SEPTIN7: variants seen among roughly 807,000 people sequenced by gnomAD.
The protein encoded by SEPTIN7 is septin 7.
Under a neutral mutation model 63.3 loss-of-function variants are expected in SEPTIN7, and 10 were observed. The observed-to-expected ratio is 0.16, with a 90% confidence interval of 0.10 to 0.27. The LOEUF is 0.27. SEPTIN7 is among the 10% of genes least tolerant of loss of function. The pLI is 1.00. For missense variants in SEPTIN7, 310 were observed against 521.0 expected, an observed-to-expected ratio of 0.59 and a Z score of 3.94; for synonymous variants, 131 against 165.3, an observed-to-expected ratio of 0.79 and a Z score of 1.59.
At chr7:35,898,475 A>G in intron 12 of SEPTIN7, 92 bp downstream of exon 12, 2 of 832,372 alleles carry the variant, frequency 2.4e-6, no homozygotes, top group Non-Finnish European at 3.7e-6. Context: ...TAACCTTTTT[A>G]TACATATTTT....
intron 4 of SEPTIN7, among the ~76,000 whole-genome samples, chr7:35,864,900 C>T (rs1785720260): frequency 6.6e-6 from 1 of 152,030 alleles, no homozygotes; most frequent in Non-Finnish European, 1.5e-5. Flanking sequence ...GAGGGACAGT[C>T]TGTATATTCT....
At chr7:35,861,468 A>G (rs753444516) in intron 3 of SEPTIN7, among the ~76,000 whole-genome samples, 1 of 152,176 alleles carries the variant, frequency 6.6e-6, no homozygotes, top group Non-Finnish European at 1.5e-5. Context: ...GCATGCCCTT[A>G]ACGTAGTGAT....
intron 1 of SEPTIN7, among the ~76,000 whole-genome samples, chr7:35,829,330 C>T (rs568840867): frequency 5.3e-5 from 8 of 151,590 alleles, no homozygotes; most frequent in Admixed American, 1.3e-4. Context: ...TTAGTAGAGA[C>T]GGGGTTTCAC....
intron 3 of SEPTIN7, among the ~76,000 whole-genome samples, chr7:35,840,919 G>GA (rs1363147234): frequency 6.6e-6 from 1 of 152,110 alleles, no homozygotes; most frequent in Non-Finnish European, 1.5e-5. Flanking sequence ...TAATTCTTGA[G>GA]AAAAAATGGT....
chr7:35,811,692 G>C (rs1157763582), intron 1 of SEPTIN7, among the ~76,000 whole-genome samples: 6 of 152,148 alleles, frequency 3.9e-5, no homozygotes, highest in Admixed American at 3.9e-4. Context: ...TTCGAGACCA[G>C]TCTGGCCAAC....
Position 35,895,036 on chromosome 7 carries a change from GT to G in SEPTIN7, c.999-3208del, listed in dbSNP as rs1186994054. ...ATGTTGTAATCATTTTCTTTTTCTTGTTTTACTAGGCTTTCTTCATTTCTTT... is the reference window on the plus strand; with the variant it reads ...ATGTTGTAATCATTTTCTTTTTCTTGTTTACTAGGCTTTCTTCATTTCTTT... On this transcript the variant is annotated intron_variant, in intron 11 of 13. Transcript: ENST00000350320. 2.0e-5 allele frequency among the ~76,000 whole-genome samples: 3 copies of G among 152,042 alleles called. No homozygotes were observed. The East Asian group carries it at 5.8e-4, about 29-fold the overall frequency.
intron 1 of SEPTIN7, among the ~76,000 whole-genome samples, chr7:35,821,845 C>T (rs532191247): frequency 1.2e-4 from 18 of 152,274 alleles, no homozygotes; most frequent in African/African-American, 4.3e-4. Flanking sequence ...GTGGCACGAT[C>T]TTAGCTCACT....
chr7:35,826,182 G>A (rs1009813090), intron 1 of SEPTIN7, among the ~76,000 whole-genome samples: 1 of 151,928 alleles, frequency 6.6e-6, no homozygotes, highest in African/African-American at 2.4e-5. Flanking sequence ...CTGTATGAGA[G>A]ATGGTAGGAA....
intron 3 of SEPTIN7, among the ~76,000 whole-genome samples, chr7:35,837,438 A>G (rs1328785484): frequency 6.6e-6 from 1 of 152,196 alleles, no homozygotes; most frequent in Non-Finnish European, 1.5e-5. Context: ...TAAAATTGCT[A>G]GCTAGTATTA....
intron 6 of SEPTIN7, among the ~76,000 whole-genome samples, chr7:35,879,284 C>G (rs979554886): frequency 2.6e-5 from 4 of 151,884 alleles, no homozygotes; most frequent in Admixed American, 2.6e-4. Context: ...TTAAAAAATC[C>G]TCCAGCCTGG....
chr7:35,808,952 T>A (rs1404118836), intron 1 of SEPTIN7, among the ~76,000 whole-genome samples: 1 of 152,204 alleles, frequency 6.6e-6, no homozygotes, highest in Non-Finnish European at 1.5e-5. Flanking sequence ...ATACACTAAC[T>A]GTTAGTTTTT....
At chr7:35,811,530 T>C (rs923621645) in intron 1 of SEPTIN7, among the ~76,000 whole-genome samples, 11 of 152,206 alleles carry the variant, frequency 7.2e-5, no homozygotes, top group Non-Finnish European at 1.6e-4. Context: ...ACATTTCTAA[T>C]GTTTAACACA....
chr7:35,870,147 G>A (rs1344843109), intron 4 of SEPTIN7, among the ~76,000 whole-genome samples: 2 of 152,152 alleles, frequency 1.3e-5, no homozygotes, highest in East Asian at 3.8e-4. Context: ...TGACTTCTTT[G>A]TATTTGACCG....
chr7:35,907,820 T>G (rs1788658995), downstream of SEPTIN7, among the ~76,000 whole-genome samples: 1 of 152,190 alleles, frequency 6.6e-6, no homozygotes, highest in Admixed American at 6.5e-5. Context: ...GGCATGTAAC[T>G]TCTATGAATG....
At chr7:35,811,516 G>A (rs1187479479) in intron 1 of SEPTIN7, among the ~76,000 whole-genome samples, 1 of 152,118 alleles carries the variant, frequency 6.6e-6, no homozygotes, top group Non-Finnish European at 1.5e-5. Flanking sequence ...GACCAGCATT[G>A]GAAACATTTC....
intron 1 of SEPTIN7, among the ~76,000 whole-genome samples, chr7:35,830,031 C>G (rs558091256): frequency 6.6e-6 from 1 of 151,838 alleles, no homozygotes; most frequent in Non-Finnish European, 1.5e-5. Flanking sequence ...ACTAAAAATA[C>G]AAAAATTAGC....
chr7:35,868,740 C>T (rs190791859), intron 4 of SEPTIN7, among the ~76,000 whole-genome samples: 38 of 151,956 alleles, frequency 2.5e-4, no homozygotes, highest in Non-Finnish European at 4.1e-4. Context: ...GAGAGATTGA[C>T]GATAGAGGGG....
At chr7:35,815,055 A>G in intron 1 of SEPTIN7, 1 of 289,894 alleles carries the variant, frequency 3.4e-6, no homozygotes, top group Non-Finnish European at 6.7e-6. Context: ...GTTCGGTTAT[A>G]TATTAATTTT....
At chr7:35,884,473 C>T (rs540575116) in intron 9 of SEPTIN7, among the ~76,000 whole-genome samples, 3 of 152,254 alleles carry the variant, frequency 2.0e-5, no homozygotes, top group South Asian at 2.1e-4. Flanking sequence ...CATCCTGCCT[C>T]ATCATTAAGT....
Sources: gnomAD v4.1 joint callset for allele counts (sites outside exome capture counted in the v4.1 genomes callset) on GRCh38, gnomAD v4.1.1 for gene constraint, MANE v1.5 for transcripts, NCBI Gene and HGNC (gene_info 2026-07-23, HGNC 2026-07-21) for gene names.